TXNRD2: variants seen among roughly 807,000 people sequenced by gnomAD.
TXNRD2 encodes thioredoxin reductase 2, mitochondrial.
A neutral mutation model predicts 70.8 loss-of-function variants in TXNRD2; 67 were observed. The observed-to-expected ratio is 0.95, with a 90% confidence interval of 0.78 to 1.16. The LOEUF is 1.16. Among genes scored for constraint, TXNRD2 ranks in the 50% most tolerant of loss-of-function variants. The pLI, the probability that TXNRD2 is intolerant of heterozygous loss-of-function variation, is 0.00. For missense variants in TXNRD2, 644 were observed against 719.9 expected (o/e 0.89, Z 1.21); for synonymous variants, 301 against 295.8 (o/e 1.02, Z -0.18).
At chr22:19,931,709 C>T (rs569993155) in intron 1 of TXNRD2, among the ~76,000 whole-genome samples, 25 of 152,068 alleles carry the variant, frequency 1.6e-4, no homozygotes, top group Non-Finnish European at 2.6e-4. Context: ...GGCTATGTTG[C>T]CCAGGCTGGT....
chr22:19,941,712 C>T lies in TXNRD2; in HGVS notation c.92G>A (p.Arg31Gln). The T allele has an allele frequency of 2.0e-6, 3 of 1,484,030 alleles. No homozygotes were observed. The highest frequency in any genetic ancestry group is 2.7e-6 in the Non-Finnish European group (3 of 1,124,438). 91.9% of individuals were successfully genotyped at this position (1,484,030 alleles called of 1,614,324 possible). A position where few individuals can be genotyped will look rare whatever the true frequency, so the allele number is the denominator to read the frequency against. Residue 31 changes from arginine (R) to glutamine (Q), a missense_variant, in exon 1 of 18, where the codon CGG becomes CAG. Coordinates refer to ENST00000400521, the MANE Select transcript of TXNRD2 (RefSeq NM_006440.5). ...AVAGGVRGAA[R>Q]GAAAGQRDYD... ...CGACCCCATCCTACCTGCTGCGCCCCGCGCCGCGCCCCGCACCCCGCCCGC... is the reference window on the plus strand; with the variant it reads ...CGACCCCATCCTACCTGCTGCGCCCTGCGCCGCGCCCCGCACCCCGCCCGC...
Position 19,904,567 on chromosome 22 carries a change from G to A in TXNRD2, c.663-5499C>T, listed in dbSNP as rs573717666. ...GGCTGGGTCCCAGGCCCCACTGTGG[G>A]CACCACTCGCCAGATCTGGAGCTCC... On this transcript the variant is annotated intron_variant, in intron 8 of 17. Transcript: ENST00000400521. Among the ~76,000 whole-genome samples the A allele has an allele frequency of 2.2e-3, 329 of 152,346 alleles. 1 individual carries two copies. Among genetic ancestry groups the A allele is most frequent in the Non-Finnish European group, 4.0e-3 (270 of 68,034 alleles).
At chr22:19,902,302 G>T (rs3788317) in intron 8 of TXNRD2, among the ~76,000 whole-genome samples, 45,344 of 152,166 alleles carry the variant, frequency 0.3, 7,892 homozygotes, top group African/African-American at 0.48. Context: ...ACTGCAGGAT[G>T]AGCCTAATCA....
At chr22:19,895,655 C>T in intron 10 of TXNRD2, 74 bp from the exon 11 acceptor site, 5 of 1,565,170 alleles carry the variant, frequency 3.2e-6, no homozygotes, top group Admixed American at 1.7e-5. Flanking sequence ...GCCCTGCTCT[C>T]GAAGGCCTCA....
At chr22:19,909,831 A>C (rs1601437191) in intron 8 of TXNRD2, among the ~76,000 whole-genome samples, 5 of 59,476 alleles carry the variant, frequency 8.4e-5, no homozygotes, top group Non-Finnish European at 9.2e-5. Context: ...ACCACACACC[A>C]CACACACCCA....
chr22:19,936,418 C>T (rs1440272265), intron 1 of TXNRD2, among the ~76,000 whole-genome samples: 1 of 152,114 alleles, frequency 6.6e-6, no homozygotes, highest in African/African-American at 2.4e-5. Context: ...TCACGAAGAG[C>T]CGACACTTGT....
intron 3 of TXNRD2, 48 bp from the exon 4 acceptor site, chr22:19,919,052 G>A (rs1940774965): frequency 1.9e-6 from 3 of 1,584,484 alleles, no homozygotes; most frequent in South Asian, 1.1e-5. Flanking sequence ...GGTGACTGCT[G>A]GAGGCTTCCC....
chr22:19,931,931 C>T (rs1440439182), intron 1 of TXNRD2, among the ~76,000 whole-genome samples: 5 of 151,990 alleles, frequency 3.3e-5, no homozygotes, highest in East Asian at 1.9e-4. Flanking sequence ...GAGGCCAAGG[C>T]GGGTGGATCA....
At chr22:19,934,549 T>C (rs1941479680) in intron 1 of TXNRD2, among the ~76,000 whole-genome samples, 2 of 150,312 alleles carry the variant, frequency 1.3e-5, no homozygotes, top group South Asian at 4.2e-4. Context: ...TCCCAAGTAA[T>C]ACTTTTATAC....
At chr22:19,894,242 G>A (rs1171067318) in intron 11 of TXNRD2, 1 of 152,268 alleles carries the variant, frequency 6.6e-6, no homozygotes, top group Non-Finnish European at 1.5e-5. Context: ...CACAGTGAAG[G>A]GTGAGTGCCC....
At chr22:19,909,616 ACACACACCACT>A (rs371217852) in intron 8 of TXNRD2, among the ~76,000 whole-genome samples, 74 of 127,260 alleles carry the variant, frequency 5.8e-4, no homozygotes, top group East Asian at 2.0e-3. Context: ...CACACACACC[ACACACACCACT>A]CACACACCAC....
At chr22:19,921,590 G>A (rs1023454731) in intron 2 of TXNRD2, among the ~76,000 whole-genome samples, 2 of 152,128 alleles carry the variant, frequency 1.3e-5, no homozygotes, top group African/African-American at 4.8e-5. Flanking sequence ...CTGAGAGAGA[G>A]GAAACAAACA....
intron 6 of TXNRD2, 61 bp downstream of exon 6, chr22:19,915,704 T>C (rs768720086): frequency 1.2e-5 from 18 of 1,484,810 alleles, no homozygotes; most frequent in African/African-American, 2.8e-5. Context: ...ACAGCTGCAG[T>C]TGGTGCCCAA....
chr22:19,880,742 CG>C, intron 12 of TXNRD2, 25 bp from the exon 13 acceptor site: 1 of 1,562,564 alleles, frequency 6.4e-7, no homozygotes, highest in Non-Finnish European at 8.8e-7. Flanking sequence ...AGGGGGGCCA[CG>C]TCAGCACCAT....
intron 9 of TXNRD2, among the ~76,000 whole-genome samples, chr22:19,898,336 C>G (rs141337083): frequency 1.3e-3 from 194 of 152,316 alleles, no homozygotes; most frequent in African/African-American, 4.4e-3. Flanking sequence ...CGGACTAGGC[C>G]GGCCTCTGGC....
At chr22:19,889,925 G>A (rs1555908849) in intron 11 of TXNRD2, among the ~76,000 whole-genome samples, 1 of 151,622 alleles carries the variant, frequency 6.6e-6, no homozygotes, top group Admixed American at 6.6e-5. Flanking sequence ...TTTTTAATTG[G>A]TTTCCACTCA....
At chr22:19,938,212 C>T (rs1941595493) in intron 1 of TXNRD2, 1 of 152,178 alleles carries the variant, frequency 6.6e-6, no homozygotes, top group Non-Finnish European at 1.5e-5. Context: ...TATCATAGTT[C>T]ATACTAGTCT....
rs771018641 is a variant in TXNRD2 at position 19,922,593 on chromosome 22, A to T, written c.173-2994T>A. ...CCTACCAAAAGTTCTCTCTCCTTCGACTCCAGGGTGGTTTTATAAACCTCT... is the reference window on the plus strand; with the variant it reads ...CCTACCAAAAGTTCTCTCTCCTTCGTCTCCAGGGTGGTTTTATAAACCTCT... On this transcript the variant is annotated intron_variant, in intron 2 of 17. Coordinates refer to ENST00000400521, the MANE Select transcript of TXNRD2 (RefSeq NM_006440.5). Among the ~76,000 whole-genome samples, 48 of 151,646 alleles carry T rather than the reference A, an allele frequency of 3.2e-4. No homozygotes were observed. In the Middle Eastern group the frequency reaches 0.01, roughly 32 times the overall value.
At chr22:19,933,466 C>T (rs1361829757) in intron 1 of TXNRD2, 1 of 1,289,756 alleles carries the variant, frequency 7.8e-7, no homozygotes, top group Non-Finnish European at 1.0e-6. Flanking sequence ...TTCTTGTTGC[C>T]ATAGCAGGGC....
Sources: allele counts gnomAD v4.1 joint callset (sites outside exome capture counted in the v4.1 genomes callset), GRCh38; gene constraint gnomAD v4.1.1; transcripts MANE v1.5; gene names NCBI Gene and HGNC (gene_info 2026-07-23, HGNC 2026-07-21).